The following CTNNA3 variants were observed in gnomAD, a reference collection of about 807,000 sequenced individuals.
The protein encoded by CTNNA3 is catenin alpha-3.
In CTNNA3, 76 loss-of-function variants were observed where a neutral mutation model predicts 95.7. The observed-to-expected ratio is 0.79, with a 90% CI of 0.66 to 0.96. The LOEUF (loss-of-function observed/expected upper bound fraction) is 0.96. CTNNA3 is among the 40% of genes least tolerant of loss of function. CTNNA3 has a pLI of 0.00. For synonymous variants in CTNNA3, 431 were observed against 374.4 expected (o/e 1.15, Z -1.74); for missense variants, 1,191 against 1,089.8 (o/e 1.09, Z -1.31).
chr10:66,441,560 C>T (rs1487965776), intron 11 of CTNNA3, among the ~76,000 whole-genome samples: 1 of 152,168 alleles, frequency 6.6e-6, no homozygotes, highest in Admixed American at 6.5e-5. Flanking sequence ...AAGAACTCTT[C>T]CAATTCCAGT....
chr10:66,263,943 A>G (rs184149319), intron 13 of CTNNA3, among the ~76,000 whole-genome samples: 1 of 152,056 alleles, frequency 6.6e-6, no homozygotes, highest in East Asian at 1.9e-4. Flanking sequence ...TCGGTTTTCT[A>G]TCTTTCCCAG....
rs541808477 is a variant in CTNNA3 at position 66,742,284 on chromosome 10, T to A, written c.1281+23980A>T. On this transcript the variant is annotated intron_variant, in intron 9 of 17. Transcript: ENST00000433211. ...TGGTCTCCCATAGCGCTCCCAGGCT[T>A]ATTAGGATCAGGAAATTCCCGCCTA... 4.6e-5 allele frequency among the ~76,000 whole-genome samples: 7 copies of A among 152,314 alleles called. No homozygotes were observed. The South Asian group carries it at 8.3e-4, about 18-fold the overall frequency.
intron 7 of CTNNA3, among the ~76,000 whole-genome samples, chr10:66,943,144 C>T (rs1564784706): frequency 6.6e-6 from 1 of 152,262 alleles, no homozygotes; most frequent in East Asian, 1.9e-4. Context: ...ATGTCCTTCA[C>T]TGGAGACATG....
intron 7 of CTNNA3, among the ~76,000 whole-genome samples, chr10:67,122,932 A>C (rs941501799): frequency 1.3e-5 from 2 of 152,164 alleles, no homozygotes; most frequent in Non-Finnish European, 2.9e-5. Context: ...CACTTCTACC[A>C]AGACAAATTG....
intron 7 of CTNNA3, among the ~76,000 whole-genome samples, chr10:67,158,723 C>T (rs1205555244): frequency 6.6e-6 from 1 of 152,150 alleles, no homozygotes; most frequent in African/African-American, 2.4e-5. Context: ...AACCTACTTA[C>T]TGCTTCCTTG....
chr10:67,638,044 C>T (rs1208260491), intron 2 of CTNNA3, among the ~76,000 whole-genome samples: 2 of 152,170 alleles, frequency 1.3e-5, no homozygotes, highest in African/African-American at 4.8e-5. Context: ...GGGCTAAACA[C>T]TCCAATTAAA....
chr10:67,072,120 T>A, intron 7 of CTNNA3, among the ~76,000 whole-genome samples: 1 of 152,044 alleles, frequency 6.6e-6, no homozygotes, highest in Non-Finnish European at 1.5e-5. Context: ...GCCCAGCTAA[T>A]TTTTTGTATT....
chr10:66,509,747 C>T (rs1326165590), intron 11 of CTNNA3, among the ~76,000 whole-genome samples: 1 of 151,564 alleles, frequency 6.6e-6, no homozygotes, highest in East Asian at 1.9e-4. Flanking sequence ...TATACCCATA[C>T]CATGTTGTTT....
rs536732791 is a variant in CTNNA3 at position 66,888,725 on chromosome 10, C to T, written c.1048-113201G>A. On this transcript the variant is annotated intron_variant, in intron 7 of 17. Transcript: ENST00000433211. ...ATCCAAAACACTATAACACCAAATG[C>T]TGGCAAGGATATGAAACAACAGGAA... Among the ~76,000 whole-genome samples the T allele has an allele frequency of 1.2e-3, 185 of 152,238 alleles. 1 individual carries two copies. The highest frequency in any genetic ancestry group is 4.2e-3 in the African/African-American group (176 of 41,542).
chr10:66,068,857 G>T (rs2080369046), intron 15 of CTNNA3, among the ~76,000 whole-genome samples: 1 of 152,058 alleles, frequency 6.6e-6, no homozygotes, highest in Non-Finnish European at 1.5e-5. Flanking sequence ...ATCATTAAGT[G>T]ATTATAATTT....
chr10:66,262,349 C>G (rs139387057), intron 13 of CTNNA3, among the ~76,000 whole-genome samples: 1 of 152,074 alleles, frequency 6.6e-6, no homozygotes, highest in East Asian at 1.9e-4. Context: ...TCTAAACCTT[C>G]AAATAACTAT....
At chr10:66,239,924 A>G (rs1326131014) in intron 13 of CTNNA3, among the ~76,000 whole-genome samples, 1 of 151,968 alleles carries the variant, frequency 6.6e-6, no homozygotes, top group Non-Finnish European at 1.5e-5. Flanking sequence ...CTAAAGTAGA[A>G]AACTCTGGCC....
At chr10:67,559,118 C>T (rs2133251418) in intron 3 of CTNNA3, among the ~76,000 whole-genome samples, 1 of 152,310 alleles carries the variant, frequency 6.6e-6, no homozygotes, top group South Asian at 2.1e-4. Flanking sequence ...CCCTGTCTGA[C>T]AGCTTTGAAG....
intron 9 of CTNNA3, among the ~76,000 whole-genome samples, chr10:66,666,300 G>A (rs2132457384): frequency 6.6e-6 from 1 of 152,272 alleles, no homozygotes; most frequent in Middle Eastern, 3.4e-3. Flanking sequence ...TGAAAGAGAT[G>A]CTAAAATCAT....
At chr10:66,087,307 C>G (rs2081021852) in intron 14 of CTNNA3, among the ~76,000 whole-genome samples, 1 of 152,026 alleles carries the variant, frequency 6.6e-6, no homozygotes, top group Non-Finnish European at 1.5e-5. Context: ...TTTCTTTTGC[C>G]TATTAAACTT....
At position 67,584,890 on chromosome 10, in the gene CTNNA3, T is replaced by G. The variant is rs142559224; in HGVS notation, c.292+21967A>C. 8.9e-3 allele frequency among the ~76,000 whole-genome samples: 1,363 copies of G among 152,354 alleles called. 21 individuals are homozygous for G. Among genetic ancestry groups the G allele is most frequent in the African/African-American group, 0.031 (1,296 of 41,576 alleles). On this transcript the variant is annotated intron_variant, in intron 3 of 17. Transcript: ENST00000433211. Reference sequence around the variant, plus strand: ...CCATGTGCGGGATATAATCTCCTGGTGTGCCGTTTGCTAAGACCATTGGAA... The same window carrying G: ...CCATGTGCGGGATATAATCTCCTGGGGTGCCGTTTGCTAAGACCATTGGAA...
At chr10:66,425,489 G>A (rs12777260) in intron 11 of CTNNA3, among the ~76,000 whole-genome samples, 40,176 of 151,348 alleles carry the variant, frequency 0.27, 5,483 homozygotes, top group South Asian at 0.39. Context: ...ACTCAGATAC[G>A]CATAATTTCT....
At chr10:67,005,409 C>T (rs1402257870) in intron 7 of CTNNA3, among the ~76,000 whole-genome samples, 2 of 152,052 alleles carry the variant, frequency 1.3e-5, no homozygotes, top group Non-Finnish European at 2.9e-5. Context: ...TAGTTCATTT[C>T]CTTCATTGTA....
intron 9 of CTNNA3, among the ~76,000 whole-genome samples, chr10:66,685,086 GAAT>G (rs1472117510): frequency 6.7e-6 from 1 of 148,560 alleles, no homozygotes; most frequent in Non-Finnish European, 1.5e-5. Flanking sequence ...AAAAGAAAAT[GAAT>G]AATAGAAAAT....
Sources: gnomAD v4.1 joint callset for allele counts (sites outside exome capture counted in the v4.1 genomes callset) on GRCh38, gnomAD v4.1.1 for gene constraint, MANE v1.5 for transcripts, NCBI Gene and HGNC (gene_info 2026-07-23, HGNC 2026-07-21) for gene names.